The following SEC14L3 variants were observed in gnomAD, a reference collection of about 807,000 sequenced individuals.
The protein encoded by SEC14L3 is SEC14 like lipid binding 3, also known as SEC14-like protein 3.
In SEC14L3, 56 loss-of-function variants were observed where a neutral mutation model predicts 57.4. That is an observed-to-expected ratio of 0.97 (90% confidence interval 0.79 to 1.22). SEC14L3 has a LOEUF of 1.22. SEC14L3 is among the 50% of genes most tolerant of loss of function. The pLI, the probability that SEC14L3 is intolerant of heterozygous loss-of-function variation, is 0.00. For synonymous variants in SEC14L3, 173 were observed against 194.4 expected (o/e 0.89, Z 0.92); for missense variants, 485 against 511.7 (o/e 0.95, Z 0.50).
At chr22:30,470,472 C>T in intron 2 of SEC14L3, 35 bp downstream of exon 2, 2 of 1,613,436 alleles carry the variant, frequency 1.2e-6, no homozygotes, top group Non-Finnish European at 1.7e-6. Flanking sequence ...CTCTTGATGC[C>T]CCCTGATCCC....
chr22:30,471,899 T>G lies in SEC14L3; in HGVS notation c.54+6A>C. On this transcript the variant is annotated splice_donor_region_variant and intron_variant, in intron 1 of 11. Coordinates refer to ENST00000215812, the MANE Select transcript of SEC14L3 (RefSeq NM_174975.5). ...CTTCCGGAACTCCAGGGGGAGGGGC[T>G]CTCACCTTGGCCAGGGTCTCTGCCT... is the stretch of plus-strand genomic sequence containing the variant. 1 of 1,613,126 alleles carries G rather than the reference T, an allele frequency of 6.2e-7. No individual in the cohort carries two copies. The highest frequency in any genetic ancestry group is 8.5e-7 in the Non-Finnish European group (1 of 1,179,584).
At position 30,459,610 on chromosome 22, in the gene SEC14L3, T is replaced by G. The variant is rs761007368; in HGVS notation, c.*411A>C. On this transcript the variant is annotated 3_prime_UTR_variant, in exon 12 of 12. Coordinates refer to ENST00000215812, the MANE Select transcript of SEC14L3 (RefSeq NM_174975.5). ...TCCATTCAATGCCACAAATATACAC[T>G]GAGCATCTACTATATATAGGGAGTG... 27 of 993,008 alleles carry G rather than the reference T, an allele frequency of 2.7e-5. No individual in the cohort carries two copies. The highest frequency in any genetic ancestry group is 3.1e-5 in the Non-Finnish European group (26 of 833,818). The allele number at this position is 993,008 out of a possible 1,614,324, so 61.5% of individuals were successfully genotyped here. A position where few individuals can be genotyped will look rare whatever the true frequency, so the allele number is the denominator to read the frequency against.
chr22:30,452,717 CTTTT>C (rs71198554), intron 12 of SEC14L3, among the ~76,000 whole-genome samples: 67 of 131,640 alleles, frequency 5.1e-4, no homozygotes, highest in African/African-American at 1.7e-3. Flanking sequence ...TTCTTTCTTT[CTTTT>C]TTTTTTTTTT....
chr22:30,462,252 A>C, intron 8 of SEC14L3, 60 bp from the exon 9 acceptor site: 2 of 1,540,184 alleles, frequency 1.3e-6, no homozygotes, highest in Non-Finnish European at 8.8e-7. Flanking sequence ...TTAGCCTCCC[A>C]CACCCACCAG....
chr22:30,466,517 C>T, intron 6 of SEC14L3, 123 bp from the exon 7 acceptor site: 1 of 1,225,430 alleles, frequency 8.2e-7, no homozygotes, highest in Non-Finnish European at 1.2e-6. Flanking sequence ...ATGCCATCAC[C>T]TCCCCTGGCC....
chr22:30,471,755 G>A (rs920769804), intron 1 of SEC14L3, 150 bp downstream of exon 1: 33 of 1,112,524 alleles, frequency 3.0e-5, no homozygotes, highest in Non-Finnish European at 4.0e-5. Context: ...ACTGGGCACC[G>A]TGGGGCTTGA....
chr22:30,452,063 G>A (rs1252162766), intron 12 of SEC14L3, among the ~76,000 whole-genome samples: 1 of 149,568 alleles, frequency 6.7e-6, no homozygotes, highest in East Asian at 1.9e-4. Context: ...AGAAAAATCC[G>A]GCTGGAATTG....
At chr22:30,462,986 C>T (rs1341145766) in intron 8 of SEC14L3, among the ~76,000 whole-genome samples, 7 of 152,174 alleles carry the variant, frequency 4.6e-5, no homozygotes, top group South Asian at 2.1e-4. Context: ...CCACCCGCCT[C>T]GGCCTCCCAA....
Position 30,467,152 on chromosome 22 carries a change from C to T in SEC14L3, c.424-75G>A, listed in dbSNP as rs1406060575. On this transcript the variant is annotated intron_variant, in intron 5 of 11. Coordinates refer to ENST00000215812, the MANE Select transcript of SEC14L3 (RefSeq NM_174975.5). ...GGGAGATGGTAATCCAAGTACATGA[C>T]CCCTTGGGGCTTCTTCTAGACCCCG... 4.4e-6 allele frequency: 7 copies of T among 1,594,648 alleles called. No individual in the cohort carries two copies. In the East Asian group the frequency reaches 1.3e-4, roughly 31 times the overall value.
chr22:30,454,892 A>AT (rs1935073423), downstream of SEC14L3, among the ~76,000 whole-genome samples: 1 of 20,804 alleles, frequency 4.8e-5, no homozygotes, highest in African/African-American at 2.5e-4. Context: ...TATATATTAT[A>AT]TAATAGATAT....
In SEC14L3 at chr22:30,450,373, T is replaced by G. The variant is rs545322626; in HGVS notation, c.905-1129A>C. On this transcript the variant is annotated intron_variant, in intron 12 of 12. Coordinates refer to the SEC14L3 transcript ENST00000403066. ...CAGGCTGGAGTATAGTGGCATGATC[T>G]TGGCTCACTACAACCTCCACTTCCC... Among the ~76,000 whole-genome samples the G allele has an allele frequency of 3.3e-5, 5 of 152,246 alleles. No individual in the cohort carries two copies. The East Asian group carries it at 9.7e-4, about 29-fold the overall frequency.
intron 4 of SEC14L3, among the ~76,000 whole-genome samples, chr22:30,469,802 T>C (rs2146125917): frequency 6.6e-6 from 1 of 152,286 alleles, no homozygotes; most frequent in Non-Finnish European, 1.5e-5. Context: ...ATAGCATCCA[T>C]CATTGTGATG....
chr22:30,461,284 C>G lies in SEC14L3; in HGVS notation c.1081+26G>C, dbSNP rs1935247366. ...GACAGGTGGCTCTAGCCTTTCAGAG[C>G]CAGGTCCCAGCTGGGGCAGACTTAC... On this transcript the variant is annotated intron_variant, in intron 11 of 11. Transcript: ENST00000215812. 2.6e-6 allele frequency: 4 copies of G among 1,551,084 alleles called. No individual in the cohort carries two copies. The South Asian group carries it at 5.0e-5, about 19-fold the overall frequency.
intron 7 of SEC14L3, 133 bp from the exon 8 acceptor site, chr22:30,465,036 A>G (rs1451987401): frequency 2.2e-6 from 3 of 1,368,314 alleles, no homozygotes; most frequent in African/African-American, 1.4e-5. Context: ...CCTGCACCCA[A>G]CAAACCATCC....
chr22:30,466,318 G>C lies in SEC14L3; in HGVS notation c.580+16C>G. The C allele has an allele frequency of 6.2e-7, 1 of 1,610,332 alleles. No homozygotes were observed. Among genetic ancestry groups the C allele is most frequent in the South Asian group, 1.1e-5 (1 of 90,840 alleles). ...GGAAACAGAGGCACAAGTAAGTGAA[G>C]TCATTTGTCACATACCTTTCACGAT... On this transcript the variant is annotated intron_variant, in intron 7 of 11. Coordinates refer to ENST00000215812, the MANE Select transcript of SEC14L3 (RefSeq NM_174975.5).
chr22:30,447,903 C>T (rs1934908486), downstream of SEC14L3: 1 of 150,480 alleles, frequency 6.6e-6, no homozygotes, highest in Admixed American at 6.6e-5. Context: ...TCCCCAGCCT[C>T]TTCTGGGCCT....
At chr22:30,451,728 G>C (rs1170077257) in intron 12 of SEC14L3, among the ~76,000 whole-genome samples, 1 of 151,910 alleles carries the variant, frequency 6.6e-6, no homozygotes, top group African/African-American at 2.4e-5. Flanking sequence ...GGTGCCTCAA[G>C]CCTGTAACCC....
downstream of SEC14L3, among the ~76,000 whole-genome samples, chr22:30,456,264 A>C (rs1164754710): frequency 7.3e-6 from 1 of 136,728 alleles, no homozygotes. Flanking sequence ...GCACCACTGC[A>C]TTCCTGCCTG....
At chr22:30,459,216 A>G, downstream of SEC14L3, 1 of 952,898 alleles carries the variant, frequency 1.0e-6, no homozygotes, top group Non-Finnish European at 1.2e-6. Flanking sequence ...GTACACAGAG[A>G]GCACTCGCCA....
Sources: allele counts gnomAD v4.1 joint callset (sites outside exome capture counted in the v4.1 genomes callset), GRCh38; gene constraint gnomAD v4.1.1; transcripts MANE v1.5; gene names NCBI Gene and HGNC (gene_info 2026-07-23, HGNC 2026-07-21).